ZCWPW2: variants seen among roughly 807,000 people sequenced by gnomAD.
The protein encoded by ZCWPW2 is zinc finger CW-type and PWWP domain containing 2.
A neutral mutation model predicts 46.6 loss-of-function variants in ZCWPW2; 45 were observed. The ratio of observed to expected loss-of-function variants is 0.96; its 90% CI spans 0.76 to 1.24. The LOEUF (loss-of-function observed/expected upper bound fraction) is 1.24. Among genes scored for constraint, ZCWPW2 ranks in the 50% most tolerant of loss-of-function variants. The pLI, the probability that ZCWPW2 is intolerant of heterozygous loss-of-function variation, is 0.00. For missense variants in ZCWPW2, 429 were observed against 403.9 expected (o/e 1.06, Z -0.53); for synonymous variants, 152 against 137.1 (o/e 1.11, Z -0.76).
chr3:28,465,244 G>A (rs565641506), intron 4 of ZCWPW2, among the ~76,000 whole-genome samples: 2 of 152,196 alleles, frequency 1.3e-5, no homozygotes, highest in African/African-American at 2.4e-5. Context: ...TGGTATTACT[G>A]TAGTTCATTC....
intron 5 of ZCWPW2, among the ~76,000 whole-genome samples, chr3:28,491,453 T>A (rs902251421): frequency 6.6e-6 from 1 of 152,110 alleles, no homozygotes; most frequent in East Asian, 1.9e-4. Flanking sequence ...AGGAGTGGTA[T>A]AATGAGAAAA....
chr3:28,423,688 C>T (rs1278356350), intron 3 of ZCWPW2, among the ~76,000 whole-genome samples: 6 of 151,932 alleles, frequency 3.9e-5, no homozygotes, highest in African/African-American at 9.7e-5. Context: ...TATCCTGAAA[C>T]GGATCTTGGT....
chr3:28,410,093 A>AACT (rs1696340600), intron 2 of ZCWPW2, among the ~76,000 whole-genome samples: 1 of 152,160 alleles, frequency 6.6e-6, no homozygotes, highest in Non-Finnish European at 1.5e-5. Context: ...CCACTAATTA[A>AACT]ACTAGTAGAT....
At chr3:28,352,236 A>T (rs912480551) in intron 1 of ZCWPW2, among the ~76,000 whole-genome samples, 1 of 151,904 alleles carries the variant, frequency 6.6e-6, no homozygotes, top group Non-Finnish European at 1.5e-5. Context: ...ACCTGTGTGC[A>T]TCTTAAACCG....
In ZCWPW2 at chr3:28,513,942, T is replaced by C. The variant is rs1700494916; in HGVS notation, c.658-122T>C. ...GGTTGACTAGACGTAAAGATGTTGT[T>C]TAGGGTTATCAGCCGGGGTGTTTCT... On this transcript the variant is annotated intron_variant, in intron 6 of 9. Coordinates refer to ENST00000383768, the MANE Select transcript of ZCWPW2 (RefSeq NM_001040432.4). 1.3e-5 allele frequency: 7 copies of C among 550,190 alleles called. No homozygotes were observed. In the South Asian group the frequency reaches 1.9e-4, roughly 15 times the overall value. The allele number at this position is 550,190 out of a possible 1,614,324, so 34.1% of individuals were successfully genotyped here.
At position 28,446,152 on chromosome 3, in the gene ZCWPW2, A is replaced by G. The variant is rs117890747; in HGVS notation, c.492+10883A>G. On this transcript the variant is annotated intron_variant, in intron 4 of 9. Transcript: ENST00000383768. ...GATAAGTAAAGAAATAGAGAGCTCA[A>G]ACAACACAGTAAACCAACTAGATTT... Among the ~76,000 whole-genome samples, 35 of 152,224 alleles carry G rather than the reference A, an allele frequency of 2.3e-4. No homozygotes were observed. In the East Asian group the frequency reaches 5.6e-3, roughly 24 times the overall value.
chr3:28,372,243 T>G (rs1234143992), intron 1 of ZCWPW2, among the ~76,000 whole-genome samples: 2 of 152,128 alleles, frequency 1.3e-5, no homozygotes, highest in Non-Finnish European at 2.9e-5. Flanking sequence ...TTGGATGTAG[T>G]TAGAGATTTA....
intron 5 of ZCWPW2, among the ~76,000 whole-genome samples, chr3:28,482,994 A>T (rs1005329829): frequency 3.9e-5 from 6 of 152,176 alleles, no homozygotes; most frequent in Admixed American, 3.9e-4. Context: ...AGACATTTTA[A>T]ATTTTAATGA....
intron 1 of ZCWPW2, among the ~76,000 whole-genome samples, chr3:28,375,898 G>A (rs1437163740): frequency 1.3e-5 from 2 of 151,946 alleles, no homozygotes; most frequent in Non-Finnish European, 2.9e-5. Context: ...AAATGTTTGT[G>A]TTTCTGTTCC....
intron 5 of ZCWPW2, among the ~76,000 whole-genome samples, chr3:28,491,295 AG>A (rs1699803727): frequency 6.6e-6 from 1 of 152,266 alleles, no homozygotes; most frequent in Non-Finnish European, 1.5e-5. Context: ...GCATGAATAT[AG>A]TAACCTGTTC....
At chr3:28,414,482 G>C (rs1468025235) in intron 3 of ZCWPW2, among the ~76,000 whole-genome samples, 1 of 151,684 alleles carries the variant, frequency 6.6e-6, no homozygotes, top group Non-Finnish European at 1.5e-5. Context: ...TGTACTTTAA[G>C]TTTTAGGGTA....
At chr3:28,493,040 GGTTTT>G (rs1428924135) in intron 6 of ZCWPW2, among the ~76,000 whole-genome samples, 4 of 140,550 alleles carry the variant, frequency 2.8e-5, no homozygotes, top group African/African-American at 1.1e-4. Context: ...TCTAAAATCA[GGTTTT>G]GTTTTATCTT....
At chr3:28,355,404 T>A (rs975038786) in intron 1 of ZCWPW2, among the ~76,000 whole-genome samples, 1 of 152,212 alleles carries the variant, frequency 6.6e-6, no homozygotes, top group South Asian at 2.1e-4. Flanking sequence ...GAATCAATAT[T>A]GTGAAAATGG....
chr3:28,501,829 G>A (rs1383505055), intron 6 of ZCWPW2, among the ~76,000 whole-genome samples: 1 of 152,058 alleles, frequency 6.6e-6, no homozygotes, highest in East Asian at 1.9e-4. Context: ...GATCACTGAA[G>A]CCTTCACCTC....
rs991419411 is a variant in ZCWPW2 at position 28,526,008 on chromosome 3, A to T, written c.*1320A>T. On this transcript the variant is annotated 3_prime_UTR_variant, in exon 10 of 10. Coordinates refer to ENST00000383768, the MANE Select transcript of ZCWPW2 (RefSeq NM_001040432.4). ...TCAGGTTCCAGATCCCATGCCATTG[A>T]TTATCATCTATAATGTCTTGATGAA... Among the ~76,000 whole-genome samples the T allele has an allele frequency of 3.9e-5, 6 of 152,082 alleles. No homozygotes were observed. Among genetic ancestry groups the T allele is most frequent in the Admixed American group, 1.3e-4 (2 of 15,244 alleles).
intron 3 of ZCWPW2, among the ~76,000 whole-genome samples, chr3:28,434,427 A>G (rs1257097141): frequency 1.3e-5 from 2 of 152,244 alleles, no homozygotes. Flanking sequence ...AATGAAACAT[A>G]TCAATAAATT....
chr3:28,428,653 T>A (rs116776189), intron 3 of ZCWPW2, among the ~76,000 whole-genome samples: 1,894 of 152,304 alleles, frequency 0.012, 21 homozygotes, highest in Non-Finnish European at 0.02. Context: ...TCTTGAATTG[T>A]AATCCAAACT....
chr3:28,507,027 C>A, intron 6 of ZCWPW2, among the ~76,000 whole-genome samples: 1 of 152,064 alleles, frequency 6.6e-6, no homozygotes, highest in East Asian at 1.9e-4. Context: ...ATTGTTTACA[C>A]CAGACTTGCT....
At chr3:28,377,753 C>G (rs1449269683) in intron 1 of ZCWPW2, among the ~76,000 whole-genome samples, 1 of 151,998 alleles carries the variant, frequency 6.6e-6, no homozygotes, top group East Asian at 1.9e-4. Context: ...TTTGAACTGT[C>G]TTGTTAGATC....
Sources: gnomAD v4.1 joint callset for allele counts (sites outside exome capture counted in the v4.1 genomes callset) on GRCh38, gnomAD v4.1.1 for gene constraint, MANE v1.5 for transcripts, NCBI Gene and HGNC (gene_info 2026-07-23, HGNC 2026-07-21) for gene names.